HECA: variants seen among roughly 807,000 people sequenced by gnomAD.
HECA encodes HECA ribonucleoprotein granule regulator, also known as headcase protein homolog.
HECA carries 13 observed loss-of-function variants against 37.6 expected under a neutral mutation model. The observed-to-expected ratio is 0.35, with a 90% confidence interval of 0.23 to 0.55. HECA has a LOEUF of 0.55. Among genes scored for constraint, HECA ranks in the 20% least tolerant of loss-of-function variants. The pLI is 0.90. For missense variants in HECA, 527 were observed against 701.9 expected, an observed-to-expected ratio of 0.75 and a Z score of 2.82; for synonymous variants, 307 against 291.5, an observed-to-expected ratio of 1.05 and a Z score of -0.54.
Position 139,176,862 on chromosome 6 carries a change from C to T in HECA, c.1468-79C>T. The T allele has an allele frequency of 1.3e-6, 1 of 772,804 alleles. No homozygotes were observed. The highest frequency in any genetic ancestry group is 1.5e-5 in the South Asian group (1 of 64,964). The allele number at this position is 772,804 out of a possible 1,614,324, so 47.9% of individuals were successfully genotyped here. On this transcript the variant is annotated intron_variant, in intron 3 of 3. Coordinates refer to ENST00000367658, the MANE Select transcript of HECA (RefSeq NM_016217.3). This position sits in a 1 kb window ranked among gnomAD's most constrained non-coding sequence, Gnocchi z 4.5. ...TTTGCAAAGCCCTTGATCAGTTTCC[C>T]AGCATTTTGGTTTGGATGACTTTGA...
chr6:139,153,668 C>A (rs1263511226), intron 1 of HECA, among the ~76,000 whole-genome samples: 1 of 152,098 alleles, frequency 6.6e-6, no homozygotes, highest in Admixed American at 6.6e-5. Flanking sequence ...ATCCTCCCGC[C>A]TCAGCCTCCC....
At chr6:139,144,333 A>T (rs1307954092) in intron 1 of HECA, 2 of 152,266 alleles carry the variant, frequency 1.3e-5, no homozygotes, top group African/African-American at 2.4e-5. Context: ...ACATGGAAAC[A>T]ACAGGAGCCA....
At chr6:139,147,545 A>G (rs1008761618) in intron 1 of HECA, among the ~76,000 whole-genome samples, 2 of 152,182 alleles carry the variant, frequency 1.3e-5, no homozygotes, top group African/African-American at 4.8e-5. Flanking sequence ...GGATCGCTTG[A>G]GCCCAGGAGG....
intron 1 of HECA, among the ~76,000 whole-genome samples, chr6:139,147,755 G>A (rs920865925): frequency 6.6e-6 from 1 of 152,178 alleles, no homozygotes; most frequent in African/African-American, 2.4e-5. Context: ...AGGACTTCCT[G>A]GTCTTGGCTT....
In HECA at chr6:139,154,497, T is replaced by C. The variant is rs1331948602; in HGVS notation, c.272-11787T>C. On this transcript the variant is annotated intron_variant, in intron 1 of 3. Coordinates refer to ENST00000367658, the MANE Select transcript of HECA (RefSeq NM_016217.3). ...TATCACCTATTATCAGTTGAGCTTTTAGAATATTTTGAACAGCAGGGAGTT... is the reference window on the plus strand; with the variant it reads ...TATCACCTATTATCAGTTGAGCTTTCAGAATATTTTGAACAGCAGGGAGTT... Among the ~76,000 whole-genome samples the C allele has an allele frequency of 2.0e-5, 3 of 152,244 alleles. No homozygotes were observed. In the South Asian group the frequency reaches 6.2e-4, roughly 31 times the overall value.
At chr6:139,150,867 T>C (rs992997360) in intron 1 of HECA, among the ~76,000 whole-genome samples, 4 of 152,226 alleles carry the variant, frequency 2.6e-5, no homozygotes, top group African/African-American at 9.6e-5. Flanking sequence ...TAAGTTTACT[T>C]AATTTTCCTT....
At chr6:139,136,952 A>G (rs1188359317) in intron 1 of HECA, among the ~76,000 whole-genome samples, 5 of 152,186 alleles carry the variant, frequency 3.3e-5, no homozygotes, top group Admixed American at 3.3e-4. Flanking sequence ...CACTTTTTAA[A>G]CAGGGCACCT....
intron 2 of HECA, among the ~76,000 whole-genome samples, chr6:139,173,293 A>G (rs1041038094): frequency 2.0e-5 from 3 of 152,176 alleles, no homozygotes; most frequent in Admixed American, 2.0e-4. Context: ...TACACTTATA[A>G]AGTGCTTTCC....
chr6:139,166,992 C>T lies in HECA; in HGVS notation c.980C>T (p.Ala327Val), dbSNP rs779323205. Residue 327 changes from alanine (A) to valine (V), a missense_variant, in exon 2 of 4, where the codon GCG (alanine) becomes GTG (valine). By Grantham distance (64) the Ala-to-Val change is moderately conservative. This residue lies in a region of HECA where 228 missense variants were observed against 259.8 expected (regional missense o/e 0.88). Transcript: ENST00000367658. ...AATGCCCACTTTGATTACAGCCCTG[C>T]GGGGTTGGCAGTTCACAGGGGGGGA... is the stretch of plus-strand genomic sequence containing the variant. ...FRNAHFDYSP[A>V]GLAVHRGGHF... The T allele has an allele frequency of 1.4e-5, 23 of 1,614,078 alleles. No homozygotes were observed. In the East Asian group the frequency reaches 2.0e-4, roughly 14 times the overall value.
At chr6:139,168,525 GA>G (rs777642619) in intron 2 of HECA, among the ~76,000 whole-genome samples, 159 of 148,664 alleles carry the variant, frequency 1.1e-3, no homozygotes, top group Non-Finnish European at 2.0e-3. Context: ...ATTTTTTTTG[GA>G]AAAAAAATTT....
intron 1 of HECA, among the ~76,000 whole-genome samples, chr6:139,153,502 G>A (rs527296373): frequency 2.6e-5 from 4 of 151,320 alleles, no homozygotes; most frequent in Admixed American, 6.6e-5. Flanking sequence ...GGCTCACTGC[G>A]GTCTCCGCCT....
At chr6:139,168,012 A>G (rs575148861) in intron 2 of HECA, among the ~76,000 whole-genome samples, 12 of 152,332 alleles carry the variant, frequency 7.9e-5, no homozygotes, top group Non-Finnish European at 1.3e-4. Context: ...CACATATAAC[A>G]TGTTTACACT....
intron 1 of HECA, among the ~76,000 whole-genome samples, chr6:139,147,711 T>C (rs556546052): frequency 1.3e-5 from 2 of 152,360 alleles, no homozygotes; most frequent in African/African-American, 4.8e-5. Context: ...TCACACATTG[T>C]ACACGTATGT....
intron 2 of HECA, among the ~76,000 whole-genome samples, 158 bp downstream of exon 2, chr6:139,167,482 C>T (rs370159717): frequency 4.6e-5 from 7 of 152,142 alleles, no homozygotes; most frequent in East Asian, 3.9e-4. Context: ...CGCCCAGTGA[C>T]GCGGTGATTT....
At chr6:139,137,550 G>C (rs559353954) in intron 1 of HECA, among the ~76,000 whole-genome samples, 100 of 151,894 alleles carry the variant, frequency 6.6e-4, no homozygotes, top group African/African-American at 2.2e-3. Context: ...TAATCAAGAC[G>C]AGACATCCCG....
chr6:139,160,352 G>A (rs1412527804), intron 1 of HECA, among the ~76,000 whole-genome samples: 3 of 152,328 alleles, frequency 2.0e-5, no homozygotes, highest in Non-Finnish European at 4.4e-5. Flanking sequence ...GGTGGCACAA[G>A]TGTATGATAC....
intron 1 of HECA, among the ~76,000 whole-genome samples, chr6:139,164,266 T>C (rs1582944714): frequency 2.6e-5 from 4 of 152,240 alleles, no homozygotes; most frequent in African/African-American, 9.6e-5. Flanking sequence ...GCTTCTGTCA[T>C]CTATACACAT....
chr6:139,142,492 T>G (rs1440362155), intron 1 of HECA, among the ~76,000 whole-genome samples: 3 of 152,162 alleles, frequency 2.0e-5, no homozygotes, highest in Non-Finnish European at 4.4e-5. Context: ...ATTCCCTGGT[T>G]GTTTTAAAGG....
At chr6:139,168,851 T>C (rs1240334582) in intron 2 of HECA, among the ~76,000 whole-genome samples, 1 of 152,218 alleles carries the variant, frequency 6.6e-6, no homozygotes, top group Non-Finnish European at 1.5e-5. Flanking sequence ...TGTAGTCTTC[T>C]AAGTTATACA....
Sources: gnomAD v4.1 joint callset for allele counts (sites outside exome capture counted in the v4.1 genomes callset) on GRCh38, gnomAD v4.1.1 for gene constraint, gnomAD v4.1.1 regional missense constraint, Gnocchi (gnomAD v3.1) non-coding constraint, MANE v1.5 for transcripts, NCBI Gene and HGNC (gene_info 2026-07-23, HGNC 2026-07-21) for gene names.